CECR2: variants seen among roughly 807,000 people sequenced by gnomAD.
CECR2 encodes the protein chromatin remodeling regulator CECR2.
A neutral mutation model predicts 154.5 loss-of-function variants in CECR2; 30 were observed. The ratio of observed to expected loss-of-function variants is 0.19; its 90% CI spans 0.15 to 0.26. The LOEUF is 0.26. Ranked by LOEUF, CECR2 falls within the 10% of genes least tolerant of loss-of-function variation. The pLI is 1.00. For missense variants in CECR2, 1,743 were observed against 1,829.3 expected (o/e 0.95, Z 0.86); for synonymous variants, 725 against 683.7 (o/e 1.06, Z -0.94).
intron 2 of CECR2, among the ~76,000 whole-genome samples, chr22:17,494,085 T>C (rs2055577620): frequency 1.3e-5 from 2 of 151,080 alleles, no homozygotes; most frequent in African/African-American, 5.0e-5. Flanking sequence ...AAAAACACTT[T>C]TTCATTTTCT....
rs1469725879 is a variant in CECR2 at position 17,369,470 on chromosome 22, C to T, written c.-314C>T. On this transcript the variant is annotated 5_prime_UTR_variant, in exon 1 of 19. Transcript: ENST00000262608. ...TCCGCCCCTAGCCCCATCTGTTTCT[C>T]CGGCGGGGACTCGATTATATTGTAG... 3 of 150,544 alleles carry T rather than the reference C, an allele frequency of 2.0e-5. No individual in the cohort carries two copies. The East Asian group carries it at 6.0e-4, about 30-fold the overall frequency. The allele number at this position is 150,544 out of a possible 1,614,324, so 9.3% of individuals were successfully genotyped here. A position where few individuals can be genotyped will look rare whatever the true frequency, so the allele number is the denominator to read the frequency against.
At chr22:17,477,242 C>CATTT in intron 1 of CECR2, 1 of 669,706 alleles carries the variant, frequency 1.5e-6, no homozygotes. Context: ...CAGTACAGCA[C>CATTT]ATTTGTATTT....
chr22:17,505,063 C>A, intron 7 of CECR2, 47 bp downstream of exon 7: 2 of 1,566,692 alleles, frequency 1.3e-6, no homozygotes, highest in Admixed American at 1.8e-5. Context: ...AGGCCTGATG[C>A]TGCATTATTT....
chr22:17,512,738 G>T (rs1480011570), intron 8 of CECR2, among the ~76,000 whole-genome samples: 2 of 148,820 alleles, frequency 1.3e-5, no homozygotes, highest in African/African-American at 2.5e-5. Context: ...AGAAAGAAAA[G>T]AAAACCTGAG....
chr22:17,400,058 T>G (rs2053869177), intron 1 of CECR2, among the ~76,000 whole-genome samples: 1 of 152,220 alleles, frequency 6.6e-6, no homozygotes, highest in African/African-American at 2.4e-5. Context: ...AAAGCACCAT[T>G]ACTTTTTAAA....
At chr22:17,408,837 GT>G (rs1455436043) in intron 1 of CECR2, among the ~76,000 whole-genome samples, 1 of 152,204 alleles carries the variant, frequency 6.6e-6, no homozygotes, top group African/African-American at 2.4e-5. Context: ...AAGCCCTCCA[GT>G]GGCTTTCTCT....
At chr22:17,517,242 CTCTA>C (rs1239729359) in intron 8 of CECR2, among the ~76,000 whole-genome samples, 1 of 147,796 alleles carries the variant, frequency 6.8e-6, no homozygotes, top group Admixed American at 6.7e-5. Flanking sequence ...CGCTTTCTGG[CTCTA>C]TCTCTCTTGC....
intron 1 of CECR2, 47 bp from the exon 2 acceptor site, chr22:17,477,541 A>T: frequency 7.7e-7 from 1 of 1,298,654 alleles, no homozygotes; most frequent in Non-Finnish European, 1.1e-6. Context: ...TGTGTATTTT[A>T]AGAAATCTCT....
At chr22:17,447,309 C>T (rs887881715) in intron 1 of CECR2, among the ~76,000 whole-genome samples, 11 of 152,000 alleles carry the variant, frequency 7.2e-5, no homozygotes, top group African/African-American at 1.9e-4. Context: ...CCTGCCACCA[C>T]GCCCAGCTAA....
intron 1 of CECR2, among the ~76,000 whole-genome samples, chr22:17,406,413 C>T (rs2146551130): frequency 6.6e-6 from 1 of 152,306 alleles, no homozygotes; most frequent in South Asian, 2.1e-4. Flanking sequence ...ATCCCAGCTA[C>T]TGAGGAGGCT....
chr22:17,382,429 C>T (rs2063208840), intron 1 of CECR2, among the ~76,000 whole-genome samples: 1 of 152,134 alleles, frequency 6.6e-6, no homozygotes, highest in Non-Finnish European at 1.5e-5. Flanking sequence ...GCTACAGGCA[C>T]ACCTCAGAGA....
At chr22:17,401,012 C>T (rs2053883707) in intron 1 of CECR2, among the ~76,000 whole-genome samples, 1 of 152,146 alleles carries the variant, frequency 6.6e-6, no homozygotes, top group African/African-American at 2.4e-5. Flanking sequence ...GGAGATTCTC[C>T]TGCCTTGGCC....
chr22:17,548,785 C>A lies in CECR2; in HGVS notation c.3498C>A (p.Asn1166Lys), dbSNP rs1041053657. 4.3e-6 allele frequency: 7 copies of A among 1,613,698 alleles called. No individual in the cohort carries two copies. The highest frequency in any genetic ancestry group is 3.3e-4 in the Middle Eastern group (2 of 6,084). The change falls in exon 17 of 19, where the codon AAC becomes AAA. Residue 1166 changes from asparagine to lysine, a missense_variant. Physicochemically the swap from Asn to Lys is moderately conservative, Grantham distance 94. Transcript: ENST00000262608. ...TTCCCCCAAGGGGCTTTCAGTCTAACCACCCACATTCTGGAGGCTTTCCCC... is the reference window on the plus strand; with the variant it reads ...TTCCCCCAAGGGGCTTTCAGTCTAAACACCCACATTCTGGAGGCTTTCCCC... ...QHFPPRGFQSNHPHSGGFPRY... is the reference protein window; with the variant it reads ...QHFPPRGFQSKHPHSGGFPRY...
rs1168680063 is a variant in CECR2 at position 17,493,774 on chromosome 22, A to T, written c.222-3629A>T. On this transcript the variant is annotated intron_variant, in intron 2 of 18. Coordinates refer to ENST00000262608, the MANE Select transcript of CECR2 (RefSeq NM_001290047.2). The stretch of plus-strand genomic sequence containing the variant: ...TCTAAAGGAGCAGCACTGCGGATGC[A>T]CACGCAGTGTTTGTGGGCTGGTATG... Among the ~76,000 whole-genome samples, 3 of 152,242 alleles carry T rather than the reference A, an allele frequency of 2.0e-5. No homozygotes were observed. In the East Asian group the frequency reaches 5.8e-4, roughly 29 times the overall value.
In CECR2 at chr22:17,545,490, C is replaced by G. The variant is rs144306648; in HGVS notation, c.2860+2487C>G. ...TAATGCTTATTTCTAGGATAAATAT[C>G]TAGCATGCATGTAATTTTCTTCAGT... On this transcript the variant is annotated intron_variant, in intron 16 of 18. Coordinates refer to ENST00000262608, the MANE Select transcript of CECR2 (RefSeq NM_001290047.2). Among the ~76,000 whole-genome samples the G allele has an allele frequency of 4.7e-5, 7 of 150,456 alleles. No individual in the cohort carries two copies. The East Asian group carries it at 1.4e-3, about 30-fold the overall frequency.
At chr22:17,444,942 C>A (rs1017499252) in intron 1 of CECR2, among the ~76,000 whole-genome samples, 14 of 152,272 alleles carry the variant, frequency 9.2e-5, no homozygotes, top group Admixed American at 7.8e-4. Context: ...CACAAAAAAA[C>A]CAAGTATCCT....
At chr22:17,464,997 ATTTTTTT>A (rs71770620) in intron 1 of CECR2, among the ~76,000 whole-genome samples, 3 of 140,912 alleles carry the variant, frequency 2.1e-5, no homozygotes, top group African/African-American at 7.9e-5. Context: ...CAATATTTAA[ATTTTTTT>A]TTTTTTTTTT....
chr22:17,524,692 C>CTTTTT (rs1188195849), intron 9 of CECR2, among the ~76,000 whole-genome samples: 4 of 44,314 alleles, frequency 9.0e-5, no homozygotes, highest in Non-Finnish European at 1.1e-4. Flanking sequence ...ATGCCTGGCC[C>CTTTTT]TTTTTTTTTT....
intron 1 of CECR2, among the ~76,000 whole-genome samples, chr22:17,406,639 G>T (rs761111241): frequency 1.3e-4 from 20 of 152,232 alleles, no homozygotes; most frequent in Middle Eastern, 3.4e-3. Flanking sequence ...TACAATAGGG[G>T]TGAAATATGA....
Sources: allele counts gnomAD v4.1 joint callset (sites outside exome capture counted in the v4.1 genomes callset), GRCh38; gene constraint gnomAD v4.1.1; transcripts MANE v1.5; gene names NCBI Gene and HGNC (gene_info 2026-07-23, HGNC 2026-07-21).